The following RAPGEF6 variants were observed in gnomAD, a reference collection of about 807,000 sequenced individuals.
RAPGEF6 encodes PDZ domain containing guanine nucleotide exchange factor (GEF) 2.
Under a neutral mutation model 171.4 loss-of-function variants are expected in RAPGEF6, and 56 were observed. The ratio of observed to expected loss-of-function variants is 0.33; its 90% CI spans 0.26 to 0.41. The LOEUF is 0.41. Ranked by LOEUF, RAPGEF6 falls within the 10% of genes least tolerant of loss-of-function variation. The pLI is 1.00. For missense variants in RAPGEF6, 1,674 were observed against 1,921.4 expected (o/e 0.87, Z 2.41); for synonymous variants, 692 against 650.1 (o/e 1.06, Z -0.98).
At chr5:131,497,766 CA>C (rs1435649307) in intron 12 of RAPGEF6, among the ~76,000 whole-genome samples, 1 of 152,148 alleles carries the variant, frequency 6.6e-6, no homozygotes, top group Non-Finnish European at 1.5e-5. Context: ...AAATATAACT[CA>C]AAAAGACACA....
intron 9 of RAPGEF6, among the ~76,000 whole-genome samples, chr5:131,506,015 T>C (rs1295413674): frequency 6.6e-6 from 1 of 152,226 alleles, no homozygotes; most frequent in Non-Finnish European, 1.5e-5. Flanking sequence ...TAGCTAATGA[T>C]TATTTCAGAA....
rs570841254 is a variant in RAPGEF6 at position 131,496,259 on chromosome 5, C to T, written c.1420-599G>A. Among the ~76,000 whole-genome samples, 34 of 152,260 alleles carry T rather than the reference C, an allele frequency of 2.2e-4. No individual in the cohort carries two copies. The South Asian group carries it at 6.6e-3, about 30-fold the overall frequency. On this transcript the variant is annotated intron_variant, in intron 12 of 27. Coordinates refer to ENST00000509018, the MANE Select transcript of RAPGEF6 (RefSeq NM_016340.6). The stretch of plus-strand genomic sequence containing the variant: ...ACTGTAAATTTTCAAACTGCAGAAT[C>T]GTTTACTTTGCTTCAGAAAAGTTAA...
intron 4 of RAPGEF6, among the ~76,000 whole-genome samples, chr5:131,575,102 T>G (rs186498648): frequency 5.3e-5 from 8 of 152,288 alleles, no homozygotes; most frequent in Non-Finnish European, 1.0e-4. Flanking sequence ...CAACTCATTA[T>G]TCTGTCCTCG....
At chr5:131,453,598 TC>T (rs1457918624) in intron 20 of RAPGEF6, among the ~76,000 whole-genome samples, 1 of 151,892 alleles carries the variant, frequency 6.6e-6, no homozygotes, top group Non-Finnish European at 1.5e-5. Flanking sequence ...CTCAAAAAAA[TC>T]CACAAAAAAA....
intron 15 of RAPGEF6, among the ~76,000 whole-genome samples, chr5:131,486,479 C>T (rs1755895509): frequency 6.6e-6 from 1 of 152,172 alleles, no homozygotes; most frequent in South Asian, 2.1e-4. Context: ...ACGAGAGTCA[C>T]ATCCTTCTTT....
intron 6 of RAPGEF6, chr5:131,533,180 ACACACACAC>A (rs1467403600): frequency 3.1e-5 from 4 of 129,262 alleles, no homozygotes; most frequent in African/African-American, 1.0e-4. Flanking sequence ...ACACACACAC[ACACACACAC>A]ACACACACAC....
intron 20 of RAPGEF6, among the ~76,000 whole-genome samples, chr5:131,454,668 A>G (rs757559083): frequency 6.6e-6 from 1 of 152,204 alleles, no homozygotes; most frequent in Non-Finnish European, 1.5e-5. Flanking sequence ...AGAGAGAATA[A>G]AAGATAAAAT....
At chr5:131,568,409 C>A (rs1204343809) in intron 4 of RAPGEF6, among the ~76,000 whole-genome samples, 1 of 151,800 alleles carries the variant, frequency 6.6e-6, no homozygotes, top group Non-Finnish European at 1.5e-5. Flanking sequence ...TAGCTCACTG[C>A]AGCCTAAAAC....
chr5:131,478,427 GTCT>G (rs1228747771), intron 16 of RAPGEF6, among the ~76,000 whole-genome samples: 1 of 152,122 alleles, frequency 6.6e-6, no homozygotes, highest in East Asian at 1.9e-4. Context: ...CAAATCCCAT[GTCT>G]TCTTATGGCT....
intron 8 of RAPGEF6, among the ~76,000 whole-genome samples, chr5:131,508,743 G>C (rs1166665336): frequency 6.6e-6 from 1 of 152,140 alleles, no homozygotes; most frequent in African/African-American, 2.4e-5. Context: ...GGATATATGT[G>C]TAAGGAAGGT....
chr5:131,583,102 TCAG>T (rs1323342328), intron 4 of RAPGEF6, among the ~76,000 whole-genome samples: 1 of 152,218 alleles, frequency 6.6e-6, no homozygotes, highest in Non-Finnish European at 1.5e-5. Context: ...CAAATGTCCA[TCAG>T]CAGTTGAATG....
At chr5:131,434,458 T>C (rs1163841397) in intron 24 of RAPGEF6, among the ~76,000 whole-genome samples, 3 of 152,158 alleles carry the variant, frequency 2.0e-5, no homozygotes, top group African/African-American at 7.2e-5. Flanking sequence ...AGGCTGGTCT[T>C]CAACTCCTGG....
intron 5 of RAPGEF6, among the ~76,000 whole-genome samples, chr5:131,555,043 C>T (rs967346132): frequency 3.9e-5 from 6 of 152,062 alleles, no homozygotes; most frequent in African/African-American, 1.4e-4. Flanking sequence ...AAAAGTCTTT[C>T]CAGGTAAAAA....
rs1040474502 is a variant in RAPGEF6, at chr5:131,602,288, G to C, written c.197+983C>G. 2.0e-5 allele frequency among the ~76,000 whole-genome samples: 3 copies of C among 152,162 alleles called. No homozygotes were observed. In the South Asian group the frequency reaches 6.2e-4, roughly 32 times the overall value. On this transcript the variant is annotated intron_variant, in intron 3 of 27. Coordinates refer to ENST00000509018, the MANE Select transcript of RAPGEF6 (RefSeq NM_016340.6). ...TTGCTCCTAGTTTACATACTTGCACGGCATGTTACTCTACTGAATACTGCA... is the reference window on the plus strand; with the variant it reads ...TTGCTCCTAGTTTACATACTTGCACCGCATGTTACTCTACTGAATACTGCA...
At chr5:131,631,738 G>C (rs1398911759) in intron 1 of RAPGEF6, among the ~76,000 whole-genome samples, 2 of 152,262 alleles carry the variant, frequency 1.3e-5, no homozygotes, top group East Asian at 3.9e-4. Flanking sequence ...GTTGAGCCCA[G>C]AAATTAGTGA....
At chr5:131,578,722 C>G (rs112117139) in intron 4 of RAPGEF6, among the ~76,000 whole-genome samples, 1 of 152,202 alleles carries the variant, frequency 6.6e-6, no homozygotes, top group African/African-American at 2.4e-5. Context: ...AACCCAGTCA[C>G]GCACATTAAC....
At chr5:131,507,704 G>C (rs1490914665) in intron 9 of RAPGEF6, among the ~76,000 whole-genome samples, 1 of 151,930 alleles carries the variant, frequency 6.6e-6, no homozygotes, top group Non-Finnish European at 1.5e-5. Flanking sequence ...AAAAATTCTT[G>C]ATAAACATTT....
chr5:131,488,771 A>G (rs1484662262), intron 15 of RAPGEF6, among the ~76,000 whole-genome samples: 3 of 152,174 alleles, frequency 2.0e-5, no homozygotes, highest in Non-Finnish European at 4.4e-5. Flanking sequence ...TGTAACCTAA[A>G]AAACCTAGAG....
chr5:131,559,861 A>AAAAAAGTT (rs1761484139), intron 5 of RAPGEF6, among the ~76,000 whole-genome samples: 1 of 151,914 alleles, frequency 6.6e-6, no homozygotes, highest in African/African-American at 2.4e-5. Context: ...AAAAAGAAAA[A>AAAAAAGTT]AAAAAGTTAA....
Sources: allele counts gnomAD v4.1 joint callset (sites outside exome capture counted in the v4.1 genomes callset), GRCh38; gene constraint gnomAD v4.1.1; transcripts MANE v1.5; gene names NCBI Gene and HGNC (gene_info 2026-07-23, HGNC 2026-07-21).